Variants in MAP2K1 observed in about 807,000 individuals in gnomAD.
MAP2K1 encodes mitogen-activated protein kinase kinase 1, also known as dual specificity mitogen-activated protein kinase kinase 1.
Under a neutral mutation model 46.3 loss-of-function variants are expected in MAP2K1, and 16 were observed. The observed-to-expected ratio is 0.35, with a 90% CI of 0.23 to 0.52. The LOEUF is 0.52. Ranked by LOEUF, MAP2K1 falls within the 20% of genes least tolerant of loss-of-function variation. MAP2K1 has a pLI of 0.94. For synonymous variants in MAP2K1, 183 were observed against 185.6 expected, an observed-to-expected ratio of 0.99 and a Z score of 0.11; for missense variants, 263 against 497.1, an observed-to-expected ratio of 0.53 and a Z score of 4.48.
chr15:66,486,975 A>G (rs1172619870), intron 7 of MAP2K1, among the ~76,000 whole-genome samples: 1 of 152,232 alleles, frequency 6.6e-6, no homozygotes, highest in Non-Finnish European at 1.5e-5. Context: ...TCTCTGCTTT[A>G]CAAAACTCAG....
At chr15:66,430,135 A>C (rs2093471596) in intron 1 of MAP2K1, among the ~76,000 whole-genome samples, 2 of 152,174 alleles carry the variant, frequency 1.3e-5, no homozygotes, top group Non-Finnish European at 2.9e-5. Context: ...GATTGTATGC[A>C]GCCTTTATCT....
chr15:66,459,180 G>A (rs138946311), intron 5 of MAP2K1, among the ~76,000 whole-genome samples: 2,002 of 151,868 alleles, frequency 0.013, 21 homozygotes, highest in Non-Finnish European at 0.022. Context: ...GGGTGTGGTG[G>A]CACACGCCTG....
At chr15:66,393,399 A>G (rs1406263279) in intron 1 of MAP2K1, among the ~76,000 whole-genome samples, 2 of 152,106 alleles carry the variant, frequency 1.3e-5, no homozygotes, top group Non-Finnish European at 2.9e-5. Context: ...GCTGGTCTCC[A>G]AGTCCTGACC....
intron 2 of MAP2K1, 129 bp downstream of exon 2, chr15:66,435,366 T>TTTA (rs398027712): frequency 2.6e-6 from 2 of 779,222 alleles, no homozygotes; most frequent in Non-Finnish European, 4.2e-6. Context: ...TTTTTTTTTT[T>TTTA]AAGACGGAGT....
chr15:66,481,260 C>T (rs976405230), intron 5 of MAP2K1, among the ~76,000 whole-genome samples: 4 of 152,156 alleles, frequency 2.6e-5, no homozygotes, highest in African/African-American at 4.8e-5. Flanking sequence ...GACCCACATG[C>T]TCCATGCCTG....
chr15:66,417,033 C>T (rs61283716), intron 1 of MAP2K1, among the ~76,000 whole-genome samples: 14,693 of 152,196 alleles, frequency 0.097, 910 homozygotes, highest in East Asian at 0.34. Flanking sequence ...CCCTTCTAAA[C>T]TATGGGCAAG....
intron 5 of MAP2K1, among the ~76,000 whole-genome samples, chr15:66,464,975 C>T (rs1892425214): frequency 6.6e-6 from 1 of 151,780 alleles, no homozygotes; most frequent in African/African-American, 2.4e-5. Flanking sequence ...GTAATCCCAG[C>T]ACTTTGGGAG....
chr15:66,393,097 G>A (rs1224375919), intron 1 of MAP2K1, among the ~76,000 whole-genome samples: 2 of 152,044 alleles, frequency 1.3e-5, no homozygotes, highest in Non-Finnish European at 2.9e-5. Flanking sequence ...GTTTCCTGTG[G>A]AATGTACTCA....
chr15:66,457,257 C>T (rs1464051991), intron 5 of MAP2K1, among the ~76,000 whole-genome samples: 1 of 152,130 alleles, frequency 6.6e-6, no homozygotes, highest in Non-Finnish European at 1.5e-5. Context: ...TAGCGGGGAT[C>T]ACAGGCATGT....
intron 7 of MAP2K1, 67 bp from the exon 8 acceptor site, chr15:66,487,161 C>T: frequency 7.4e-7 from 1 of 1,359,572 alleles, no homozygotes; most frequent in Non-Finnish European, 1.1e-6. Flanking sequence ...CCATGCCCAA[C>T]CCCTTGCCTC....
chr15:66,471,287 T>C (rs1892626723), intron 5 of MAP2K1, among the ~76,000 whole-genome samples: 1 of 152,240 alleles, frequency 6.6e-6, no homozygotes. Context: ...TGTTAGCTTT[T>C]ATTTTCCCTC....
chr15:66,460,749 A>G (rs1892297462), intron 5 of MAP2K1, among the ~76,000 whole-genome samples: 2 of 152,038 alleles, frequency 1.3e-5, no homozygotes, highest in African/African-American at 2.4e-5. Flanking sequence ...GGCCGTTGCT[A>G]TGGGCCAGTG....
intron 5 of MAP2K1, among the ~76,000 whole-genome samples, chr15:66,462,776 T>A (rs1311023052): frequency 6.6e-6 from 1 of 152,056 alleles, no homozygotes. Flanking sequence ...GGATTCTTGG[T>A]TACACATAAC....
At chr15:66,455,735 C>A (rs1400221000) in intron 5 of MAP2K1, among the ~76,000 whole-genome samples, 1 of 152,216 alleles carries the variant, frequency 6.6e-6, no homozygotes, top group Non-Finnish European at 1.5e-5. Context: ...CACCCTCATT[C>A]CTGAAGTGAT....
At chr15:66,487,542 G>A (rs1893083543) in intron 8 of MAP2K1, among the ~76,000 whole-genome samples, 1 of 152,118 alleles carries the variant, frequency 6.6e-6, no homozygotes, top group Non-Finnish European at 1.5e-5. Context: ...GGGAGGCTGA[G>A]GCATGAGAAT....
rs369021590 is a variant in MAP2K1, at chr15:66,406,847, A to G, written c.80+19420A>G. On this transcript the variant is annotated intron_variant, in intron 1 of 10. Coordinates refer to ENST00000307102, the MANE Select transcript of MAP2K1 (RefSeq NM_002755.4). ...GCAGTTTGAGACCAGCCTGACCAAC[A>G]TGGAGAAACCCCATCTCTGCTAAAA... Among the ~76,000 whole-genome samples, 13 of 152,176 alleles carry G rather than the reference A, an allele frequency of 8.5e-5. No individual in the cohort carries two copies. The East Asian group carries it at 1.7e-3, about 20-fold the overall frequency.
intron 5 of MAP2K1, among the ~76,000 whole-genome samples, chr15:66,445,157 TG>T (rs66489967): frequency 9.4e-6 from 1 of 106,186 alleles, no homozygotes; most frequent in East Asian, 2.9e-4. Flanking sequence ...CGGGGGGAGG[TG>T]GGGGGGTGGA....
At chr15:66,449,390 T>TTTAGA in intron 5 of MAP2K1, among the ~76,000 whole-genome samples, 1 of 152,292 alleles carries the variant, frequency 6.6e-6, no homozygotes, top group East Asian at 1.9e-4. Flanking sequence ...AGCCTGCTAA[T>TTTAGA]ACGAAATTTT....
At chr15:66,388,357 G>A (rs1392172962) in intron 1 of MAP2K1, among the ~76,000 whole-genome samples, 1 of 152,092 alleles carries the variant, frequency 6.6e-6, no homozygotes, top group African/African-American at 2.4e-5. Flanking sequence ...GAAAAGATTA[G>A]GTTATTATTA....
Sources: gnomAD v4.1 joint callset for allele counts (sites outside exome capture counted in the v4.1 genomes callset) on GRCh38, gnomAD v4.1.1 for gene constraint, MANE v1.5 for transcripts, NCBI Gene and HGNC (gene_info 2026-07-23, HGNC 2026-07-21) for gene names.